The following LPP variants were observed in gnomAD, a reference collection of about 807,000 sequenced individuals.
LPP encodes the protein lipoma-preferred partner.
Under a neutral mutation model 60.4 loss-of-function variants are expected in LPP, and 38 were observed. The ratio of observed to expected loss-of-function variants is 0.63; its 90% CI spans 0.49 to 0.83. The LOEUF (loss-of-function observed/expected upper bound fraction) is 0.83, where lower values mean the gene tolerates loss of function less well. Among genes scored for constraint, LPP ranks in the 40% least tolerant of loss-of-function variants. LPP has a pLI of 0.00. For missense variants in LPP, 902 were observed against 783.6 expected, an observed-to-expected ratio of 1.15 and a Z score of -1.80; for synonymous variants, 328 against 290.8, an observed-to-expected ratio of 1.13 and a Z score of -1.30.
chr3:188,527,348 GAAAAAAAAAAA>G (rs57075465), intron 6 of LPP, among the ~76,000 whole-genome samples: 1 of 73,680 alleles, frequency 1.4e-5, no homozygotes. Flanking sequence ...GACTCCATCT[GAAAAAAAAAAA>G]AAAAAAAAAA....
At chr3:188,692,423 T>C (rs1862334473) in intron 7 of LPP, among the ~76,000 whole-genome samples, 1 of 152,220 alleles carries the variant, frequency 6.6e-6, no homozygotes, top group African/African-American at 2.4e-5. Flanking sequence ...CTTGACTCAC[T>C]TGATGTACTT....
intron 3 of LPP, among the ~76,000 whole-genome samples, chr3:188,385,027 AC>A (rs1203055378): frequency 6.6e-6 from 1 of 150,830 alleles, no homozygotes; most frequent in Non-Finnish European, 1.5e-5. Context: ...ATGTTCACAC[AC>A]ACCTACCCCT....
At chr3:188,406,052 T>G (rs961593189) in intron 3 of LPP, 60 bp from the exon 4 acceptor site, 2 of 1,392,922 alleles carry the variant, frequency 1.4e-6, no homozygotes, top group Admixed American at 3.9e-5. Flanking sequence ...AGCAATGAAA[T>G]GAGGAGTATT....
At chr3:188,378,707 T>C (rs1257097771) in intron 3 of LPP, among the ~76,000 whole-genome samples, 1 of 152,164 alleles carries the variant, frequency 6.6e-6, no homozygotes, top group Non-Finnish European at 1.5e-5. Flanking sequence ...CACGGTGCAC[T>C]GCACCCACTC....
Position 188,875,920 on chromosome 3 carries a change from C to A in LPP, c.*1441C>A, listed in dbSNP as rs531241128. 9.2e-5 allele frequency: 17 copies of A among 185,590 alleles called. No homozygotes were observed. The South Asian group carries it at 3.3e-3, about 36-fold the overall frequency. The allele number at this position is 185,590 out of a possible 1,614,324, so 11.5% of individuals were successfully genotyped here. On this transcript the variant is annotated 3_prime_UTR_variant, in exon 12 of 12. Transcript: ENST00000617246. Reference sequence around the variant, plus strand: ...GATTTTGGACTGAGATTTCTTAAATCTTTCTTCAAATCTCCCACAAGTATA... The same window carrying A: ...GATTTTGGACTGAGATTTCTTAAATATTTCTTCAAATCTCCCACAAGTATA...
At position 188,880,239 on chromosome 3, in the gene LPP, G is replaced by A. The variant is rs1175325390; in HGVS notation, c.*5760G>A. 1 of 164,122 alleles carries A rather than the reference G, an allele frequency of 6.1e-6. No homozygotes were observed. Among genetic ancestry groups the A allele is most frequent in the Non-Finnish European group, 1.3e-5 (1 of 75,000 alleles). The allele number at this position is 164,122 out of a possible 1,614,324, so 10.2% of individuals were successfully genotyped here. A position where few individuals can be genotyped will look rare whatever the true frequency, so the allele number is the denominator to read the frequency against. On this transcript the variant is annotated 3_prime_UTR_variant, in exon 12 of 12. Coordinates refer to ENST00000617246, the MANE Select transcript of LPP (RefSeq NM_001375462.1). ...GTAGAGATGGAGTTTCACAGTGTTA[G>A]CCAGGATGGCCTCGATCTCCTGACC...
At chr3:188,720,598 G>A (rs1180438740) in intron 8 of LPP, among the ~76,000 whole-genome samples, 2 of 142,654 alleles carry the variant, frequency 1.4e-5, no homozygotes, top group East Asian at 2.0e-4. Context: ...AAAAATATCC[G>A]AGGCAATTAA....
intron 8 of LPP, among the ~76,000 whole-genome samples, chr3:188,753,905 C>A (rs142665120): frequency 1.3e-5 from 2 of 152,198 alleles, no homozygotes; most frequent in South Asian, 2.1e-4. Context: ...ATCAGATATA[C>A]ACAAGCACAG....
At chr3:188,301,507 C>G (rs1481587030) in intron 2 of LPP, among the ~76,000 whole-genome samples, 3 of 152,052 alleles carry the variant, frequency 2.0e-5, no homozygotes, top group Non-Finnish European at 4.4e-5. Flanking sequence ...GAATCAGTTG[C>G]CAGGACATAG....
chr3:188,651,481 C>G (rs576452413), intron 7 of LPP, among the ~76,000 whole-genome samples: 1 of 152,208 alleles, frequency 6.6e-6, no homozygotes, highest in East Asian at 1.9e-4. Flanking sequence ...GAAGCTTCAA[C>G]TCTATCTTGA....
intron 9 of LPP, among the ~76,000 whole-genome samples, chr3:188,795,161 G>C (rs1189401650): frequency 6.6e-6 from 1 of 151,954 alleles, no homozygotes; most frequent in Non-Finnish European, 1.5e-5. Context: ...AAAAACAAAA[G>C]AAGTAAATTT....
At chr3:188,187,854 T>C (rs1727053252) in intron 1 of LPP, among the ~76,000 whole-genome samples, 1 of 152,178 alleles carries the variant, frequency 6.6e-6, no homozygotes, top group Non-Finnish European at 1.5e-5. Context: ...GATATGTTAT[T>C]AAAATATTAT....
At chr3:188,194,847 T>G (rs1729085640) in intron 1 of LPP, among the ~76,000 whole-genome samples, 1 of 152,240 alleles carries the variant, frequency 6.6e-6, no homozygotes, top group Admixed American at 6.5e-5. Flanking sequence ...TTAAGAGTTA[T>G]ATACCCGTCT....
intron 6 of LPP, among the ~76,000 whole-genome samples, chr3:188,577,540 A>C (rs1315750810): frequency 1.3e-5 from 2 of 151,338 alleles, no homozygotes; most frequent in Admixed American, 6.6e-5. Context: ...TACATACAGT[A>C]ATTAATATAT....
chr3:188,622,795 C>G (rs527460553), intron 7 of LPP, among the ~76,000 whole-genome samples: 1 of 151,852 alleles, frequency 6.6e-6, no homozygotes, highest in Non-Finnish European at 1.5e-5. Context: ...TTTGGGAGAC[C>G]GAGGCAGGCA....
chr3:188,538,109 G>T (rs1363811793), intron 6 of LPP, among the ~76,000 whole-genome samples: 1 of 152,202 alleles, frequency 6.6e-6, no homozygotes, highest in African/African-American at 2.4e-5. Flanking sequence ...TATACAACTT[G>T]TAGAAGAAAA....
intron 2 of LPP, among the ~76,000 whole-genome samples, chr3:188,281,738 G>C (rs953374455): frequency 2.0e-5 from 3 of 151,486 alleles, no homozygotes; most frequent in Admixed American, 6.6e-5. Flanking sequence ...CTTCCAAGAA[G>C]TTACCGTCAT....
At chr3:188,543,746 A>G (rs9832060) in intron 6 of LPP, among the ~76,000 whole-genome samples, 20,569 of 152,182 alleles carry the variant, frequency 0.14, 1,711 homozygotes, top group Middle Eastern at 0.2. Context: ...GGGACAGCCC[A>G]TCACACTTAC....
At chr3:188,470,309 C>CAT (rs1801515295) in intron 4 of LPP, among the ~76,000 whole-genome samples, 5 of 148,404 alleles carry the variant, frequency 3.4e-5, no homozygotes, top group Non-Finnish European at 6.0e-5. Context: ...CACACACACA[C>CAT]ACACACACAC....
Sources: allele counts gnomAD v4.1 joint callset (sites outside exome capture counted in the v4.1 genomes callset), GRCh38; gene constraint gnomAD v4.1.1; transcripts MANE v1.5; gene names NCBI Gene and HGNC (gene_info 2026-07-23, HGNC 2026-07-21).